Variants in HEATR4 observed in about 807,000 individuals in gnomAD.
HEATR4 encodes HEAT repeat containing 4, also known as HEAT repeat-containing protein 4.
A neutral mutation model predicts 108.8 loss-of-function variants in HEATR4; 95 were observed. The ratio of observed to expected loss-of-function variants is 0.87; its 90% confidence interval spans 0.74 to 1.04. The LOEUF (loss-of-function observed/expected upper bound fraction) is 1.04. HEATR4 is among the 50% of genes least tolerant of loss of function. The pLI is 0.00. For synonymous variants in HEATR4, 443 were observed against 459.4 expected (o/e 0.96, Z 0.46); for missense variants, 1,152 against 1,253.8 (o/e 0.92, Z 1.23).
chr14:73,503,186 A>G (rs1292014455), intron 10 of HEATR4, among the ~76,000 whole-genome samples, 173 bp from the exon 11 acceptor site: 1 of 152,078 alleles, frequency 6.6e-6, no homozygotes, highest in Non-Finnish European at 1.5e-5. Context: ...AGATATTACT[A>G]CCATTTACAG....
intron 2 of HEATR4, among the ~76,000 whole-genome samples, chr14:73,528,223 C>T (rs1888462839): frequency 6.6e-6 from 1 of 151,620 alleles, no homozygotes; most frequent in South Asian, 2.1e-4. Flanking sequence ...GGCGAAGCCC[C>T]ATCTCTACTA....
intron 17 of HEATR4, among the ~76,000 whole-genome samples, chr14:73,485,385 C>G (rs1219492442): frequency 2.0e-5 from 3 of 148,926 alleles, no homozygotes; most frequent in Non-Finnish European, 3.0e-5. Flanking sequence ...GTGTAAATAT[C>G]TTTGTACACA....
At chr14:73,573,513 G>C in the HEATR4 span, 1 of 1,613,584 alleles carries the variant, frequency 6.2e-7, no homozygotes, top group Non-Finnish European at 8.5e-7. Flanking sequence ...TAACTATGAA[G>C]ACCTCCCCAA....
chr14:73,479,652 G>A (rs996205212), intron 17 of HEATR4, among the ~76,000 whole-genome samples: 1 of 150,502 alleles, frequency 6.6e-6, no homozygotes, highest in Non-Finnish European at 1.5e-5. Context: ...TGGCCAGGCT[G>A]GTCTCGAACT....
chr14:73,609,634 ATTTATTTTAT>A, the HEATR4 span, among the ~76,000 whole-genome samples: 4 of 151,870 alleles, frequency 2.6e-5, no homozygotes, highest in Non-Finnish European at 5.9e-5. Flanking sequence ...TTGTTCTATT[ATTTATTTTAT>A]TTTATTTTAT....
intron 1 of HEATR4, chr14:73,531,097 C>A (rs1340452910): frequency 1.8e-5 from 2 of 110,836 alleles, no homozygotes; most frequent in Non-Finnish European, 3.9e-5. Flanking sequence ...TTCCAGCTGA[C>A]ACCATCCAGC....
chr14:73,590,718 G>A, the HEATR4 span, among the ~76,000 whole-genome samples: 1 of 151,856 alleles, frequency 6.6e-6, no homozygotes, highest in Admixed American at 6.6e-5. Context: ...CGGGCCGGCC[G>A]GCCGCTCCAA....
chr14:73,526,938 G>T (rs1030195053), intron 2 of HEATR4, among the ~76,000 whole-genome samples: 5 of 152,208 alleles, frequency 3.3e-5, no homozygotes, highest in Admixed American at 2.6e-4. Flanking sequence ...GCCCAGTGGG[G>T]AGAGAGATTC....
chr14:73,524,408 C>T (rs558155579), intron 2 of HEATR4, among the ~76,000 whole-genome samples: 6 of 146,256 alleles, frequency 4.1e-5, no homozygotes, highest in African/African-American at 1.5e-4. Flanking sequence ...TGGGTTGTTT[C>T]CAGATTTTAG....
At chr14:73,493,239 C>G (rs1885904251) in intron 16 of HEATR4, 115 bp from the exon 17 acceptor site, 2 of 799,156 alleles carry the variant, frequency 2.5e-6, no homozygotes, top group Admixed American at 2.4e-5. Flanking sequence ...GTAACACTGA[C>G]CATGTCGTTC....
At chr14:73,521,108 C>A (rs928101526) in intron 3 of HEATR4, 69 bp from the exon 4 acceptor site, 1 of 1,351,966 alleles carries the variant, frequency 7.4e-7, no homozygotes, top group African/African-American at 1.4e-5. Flanking sequence ...TCCATTAAAT[C>A]CACAGCTCGT....
At chr14:73,608,941 G>A in the HEATR4 span, among the ~76,000 whole-genome samples, 2 of 152,118 alleles carry the variant, frequency 1.3e-5, no homozygotes, top group Non-Finnish European at 2.9e-5. Flanking sequence ...AAAACCATCA[G>A]ATCGCATGAG....
chr14:73,510,456 A>G (rs994327727), intron 7 of HEATR4, among the ~76,000 whole-genome samples: 10 of 149,658 alleles, frequency 6.7e-5, no homozygotes, highest in African/African-American at 2.0e-4. Flanking sequence ...TTTTTTTGAG[A>G]TAGAGTTTTT....
intron 10 of HEATR4, among the ~76,000 whole-genome samples, chr14:73,504,008 G>A (rs1566828099): frequency 6.6e-6 from 1 of 151,838 alleles, no homozygotes; most frequent in Non-Finnish European, 1.5e-5. Flanking sequence ...TGAATTGGAA[G>A]TTGTTAAAAT....
chr14:73,569,302 T>C, the HEATR4 span: 7 of 1,613,832 alleles, frequency 4.3e-6, no homozygotes, highest in East Asian at 2.2e-5. Flanking sequence ...GAATTCAAAA[T>C]GGCCTCATCT....
At chr14:73,541,380 G>A in intron 1 of HEATR4, 1 of 889,876 alleles carries the variant, frequency 1.1e-6, no homozygotes, top group Non-Finnish European at 1.6e-6. Flanking sequence ...TAGATACCTA[G>A]GAGTGGGATT....
At position 73,531,382 on chromosome 14, in the gene HEATR4, A is replaced by G. The variant is rs145583449; in HGVS notation, c.-151-1138T>C. Among the ~76,000 whole-genome samples the G allele has an allele frequency of 7.8e-3, 816 of 104,718 alleles. 123 individuals carry two copies. The highest frequency in any genetic ancestry group is 0.024 in the African/African-American group (784 of 32,380). 68.7% of individuals were successfully genotyped at this position (104,718 alleles called of 152,430 possible). A position where few individuals can be genotyped will look rare whatever the true frequency, so the allele number is the denominator to read the frequency against. On this transcript the variant is annotated intron_variant, in intron 1 of 17. Coordinates refer to ENST00000553558, the MANE Select transcript of HEATR4 (RefSeq NM_001220484.1). The stretch of plus-strand genomic sequence containing the variant: ...AGCTGTGAGAAATTGCATCTTATTT[A>G]TTGATTATTTATTGAATGGTAGTTT...
chr14:73,556,274 A>C (rs1409590822), intron 1 of HEATR4, among the ~76,000 whole-genome samples: 1 of 110,646 alleles, frequency 9.0e-6, no homozygotes, highest in Non-Finnish European at 2.0e-5. Flanking sequence ...AAATACAAAA[A>C]ATTAGCCAGG....
chr14:73,488,954 G>C (rs914349633), intron 17 of HEATR4, among the ~76,000 whole-genome samples: 1 of 152,002 alleles, frequency 6.6e-6, no homozygotes, highest in Non-Finnish European at 1.5e-5. Context: ...CCTGGGAGGT[G>C]GAGGTTGCAG....
Sources: gnomAD v4.1 joint callset for allele counts (sites outside exome capture counted in the v4.1 genomes callset) on GRCh38, gnomAD v4.1.1 for gene constraint, MANE v1.5 for transcripts, NCBI Gene and HGNC (gene_info 2026-07-23, HGNC 2026-07-21) for gene names.